The following CRACD variants were observed in gnomAD, a reference collection of about 807,000 sequenced individuals.
CRACD encodes the protein capping protein inhibiting regulator of actin dynamics.
Under a neutral mutation model 106.8 loss-of-function variants are expected in CRACD, and 56 were observed. The ratio of observed to expected loss-of-function variants is 0.52; its 90% confidence interval spans 0.42 to 0.66. CRACD has a LOEUF of 0.66. Among genes scored for constraint, CRACD ranks in the 30% least tolerant of loss-of-function variants. CRACD has a pLI of 0.00. For missense variants in CRACD, 1,730 were observed against 1,623.2 expected (o/e 1.07, Z -1.13); for synonymous variants, 754 against 670.8 (o/e 1.12, Z -1.92).
chr4:56,245,886 T>C (rs921156490), intron 2 of CRACD, among the ~76,000 whole-genome samples: 3 of 152,244 alleles, frequency 2.0e-5, no homozygotes, highest in African/African-American at 7.2e-5. Flanking sequence ...GATTTTATTC[T>C]CCTTGCAACA....
intron 2 of CRACD, among the ~76,000 whole-genome samples, chr4:56,212,636 T>A (rs1738464597): frequency 6.6e-6 from 1 of 152,166 alleles, no homozygotes; most frequent in Non-Finnish European, 1.5e-5. Context: ...ATTTTTACCT[T>A]GAATCTTGGC....
intron 6 of CRACD, 120 bp downstream of exon 6, chr4:56,310,854 A>G (rs1433397108): frequency 4.8e-6 from 3 of 627,926 alleles, no homozygotes; most frequent in East Asian, 2.8e-5. Context: ...TTGCCTTCAT[A>G]TATTTAAATT....
intron 1 of CRACD, among the ~76,000 whole-genome samples, chr4:56,073,257 T>C (rs1222432420): frequency 6.6e-6 from 1 of 152,216 alleles, no homozygotes; most frequent in Non-Finnish European, 1.5e-5. Flanking sequence ...CCACATCCTC[T>C]CCAGCATCTG....
chr4:56,050,081 TA>T (rs1453399800), intron 1 of CRACD: 3 of 151,928 alleles, frequency 2.0e-5, no homozygotes, highest in Non-Finnish European at 2.9e-5. Flanking sequence ...AATTTTATAA[TA>T]TGTGTTCTTG....
chr4:56,309,853 CA>C (rs201229387), intron 5 of CRACD, among the ~76,000 whole-genome samples: 2 of 150,230 alleles, frequency 1.3e-5, no homozygotes, highest in African/African-American at 2.4e-5. Flanking sequence ...GACTTTGTCT[CA>C]AAAAAAATAT....
chr4:56,301,357 C>A (rs1744357444), intron 4 of CRACD: 2 of 557,158 alleles, frequency 3.6e-6, no homozygotes, highest in African/African-American at 2.0e-5. Context: ...AAGAGACCGC[C>A]CCCTTGTAGA....
chr4:56,152,591 A>G (rs371837739), intron 1 of CRACD, among the ~76,000 whole-genome samples: 1 of 152,056 alleles, frequency 6.6e-6, no homozygotes, highest in Non-Finnish European at 1.5e-5. Flanking sequence ...GCATTAATGC[A>G]GTATCTGTCC....
chr4:56,316,668 A>AC lies in CRACD; in HGVS notation c.3167dup (p.Pro1057ThrfsTer108). 1 of 1,611,130 alleles carries AC rather than the reference A, an allele frequency of 6.2e-7. No individual in the cohort carries two copies. The highest frequency in any genetic ancestry group is 8.5e-7 in the Non-Finnish European group (1 of 1,178,480). On this transcript the variant is annotated frameshift_variant, in exon 8 of 11. Transcript: ENST00000682029. LOFTEE classifies it high-confidence loss of function. ...CACTCAGCAAGAGAAACCTTCTCAA[A>AC]CACCCGAGGCCGGGAGGAAAGGTAG...
At chr4:56,319,634 G>A (rs1745930406) in intron 8 of CRACD, among the ~76,000 whole-genome samples, 1 of 151,922 alleles carries the variant, frequency 6.6e-6, no homozygotes, top group African/African-American at 2.4e-5. Context: ...GCTTGATTTT[G>A]TTTTTATCCT....
intron 1 of CRACD, among the ~76,000 whole-genome samples, chr4:56,102,790 C>T (rs1733821713): frequency 6.6e-6 from 1 of 152,226 alleles, no homozygotes; most frequent in Non-Finnish European, 1.5e-5. Context: ...CTGCCAGCCA[C>T]ACTGGCTTTT....
chr4:56,051,812 C>A (rs1448929431), intron 1 of CRACD, among the ~76,000 whole-genome samples: 1 of 152,192 alleles, frequency 6.6e-6, no homozygotes, highest in East Asian at 1.9e-4. Flanking sequence ...GTTCTCGAGG[C>A]AGGTGATTGA....
intron 2 of CRACD, among the ~76,000 whole-genome samples, chr4:56,251,917 T>A (rs1424546406): frequency 6.6e-6 from 1 of 152,230 alleles, no homozygotes; most frequent in African/African-American, 2.4e-5. Flanking sequence ...TCTCAAATAT[T>A]TTTTACTTCA....
intron 2 of CRACD, among the ~76,000 whole-genome samples, chr4:56,196,618 C>G (rs1737624189): frequency 6.6e-6 from 1 of 152,184 alleles, no homozygotes. Flanking sequence ...TAAACAGATG[C>G]CATCCGTCCT....
intron 10 of CRACD, among the ~76,000 whole-genome samples, chr4:56,325,998 G>A (rs540442450): frequency 3.5e-4 from 53 of 152,270 alleles, no homozygotes; most frequent in Non-Finnish European, 1.9e-4. Context: ...TGCAGCCTCC[G>A]CCTCCTGGGT....
chr4:56,306,075 C>T (rs369335336), intron 4 of CRACD, among the ~76,000 whole-genome samples: 13 of 152,220 alleles, frequency 8.5e-5, no homozygotes, highest in South Asian at 4.1e-4. Flanking sequence ...TCATTCTTTC[C>T]GTAAGCTTGG....
chr4:56,066,060 A>C (rs1278981211), intron 1 of CRACD, among the ~76,000 whole-genome samples: 1 of 152,112 alleles, frequency 6.6e-6, no homozygotes, highest in Non-Finnish European at 1.5e-5. Flanking sequence ...CATTGTATGG[A>C]TATATCACAT....
chr4:56,279,546 CTCA>C (rs539292651), intron 3 of CRACD, among the ~76,000 whole-genome samples: 208 of 152,248 alleles, frequency 1.4e-3, no homozygotes, highest in African/African-American at 4.8e-3. Context: ...TGAAAAAATG[CTCA>C]TCATCACTGG....
intron 2 of CRACD, among the ~76,000 whole-genome samples, chr4:56,229,221 C>T (rs766322809): frequency 1.3e-5 from 2 of 152,124 alleles, no homozygotes; most frequent in Non-Finnish European, 1.5e-5. Context: ...AACCTAATCC[C>T]CAAGGTGATG....
chr4:56,112,808 T>C (rs1577969258), intron 1 of CRACD, among the ~76,000 whole-genome samples: 2 of 152,160 alleles, frequency 1.3e-5, no homozygotes, highest in East Asian at 3.9e-4. Context: ...GGCATTTCTC[T>C]TCAGGGAATT....
Sources: gnomAD v4.1 joint callset for allele counts (sites outside exome capture counted in the v4.1 genomes callset) on GRCh38, gnomAD v4.1.1 for gene constraint, MANE v1.5 for transcripts, NCBI Gene and HGNC (gene_info 2026-07-23, HGNC 2026-07-21) for gene names.